The following C6 variants were observed in gnomAD, a reference collection of about 807,000 sequenced individuals.
C6 encodes complement C6.
A neutral mutation model predicts 112.9 loss-of-function variants in C6; 101 were observed. That is an observed-to-expected ratio of 0.89 (90% confidence interval 0.76 to 1.06). C6 has a LOEUF of 1.06. C6 is among the 50% of genes least tolerant of loss of function. The probability of loss-of-function intolerance (pLI) is 0.00; values close to 1 mark genes in which losing one functional copy is unlikely to be tolerated. For missense variants in C6, 1,202 were observed against 1,104.6 expected (o/e 1.09, Z -1.25); for synonymous variants, 431 against 384.1 (o/e 1.12, Z -1.43).
intron 1 of C6, among the ~76,000 whole-genome samples, chr5:41,241,497 A>G (rs916368983): frequency 7.9e-5 from 12 of 152,198 alleles, no homozygotes; most frequent in African/African-American, 2.9e-4. Context: ...GACATAGACT[A>G]AAGACTTTAC....
At chr5:41,218,188 G>T (rs1035814895), upstream of C6, among the ~76,000 whole-genome samples, 7 of 152,126 alleles carry the variant, frequency 4.6e-5, no homozygotes, top group African/African-American at 7.2e-5. Context: ...GAAAAAGAAC[G>T]TCAAGAAGTA....
chr5:41,214,062 T>A (rs1752097957), upstream of C6, among the ~76,000 whole-genome samples: 1 of 152,142 alleles, frequency 6.6e-6, no homozygotes, highest in African/African-American at 2.4e-5. Flanking sequence ...ATGGTTGCAA[T>A]TTAACTTTAG....
intron 5 of C6, 151 bp from the exon 6 acceptor site, chr5:41,186,359 A>T (rs1749771122): frequency 1.3e-6 from 1 of 780,592 alleles, no homozygotes; most frequent in Admixed American, 2.2e-5. Flanking sequence ...TTTTTTTCCT[A>T]GTCCATGGTG....
At chr5:41,232,795 A>G (rs1244255112) in intron 1 of C6, among the ~76,000 whole-genome samples, 1 of 151,920 alleles carries the variant, frequency 6.6e-6, no homozygotes, top group Non-Finnish European at 1.5e-5. Context: ...TGCTATTCAT[A>G]GCACCTTATT....
rs1448665675 is a variant in C6 at position 41,149,339 on chromosome 5, T to C, written c.2525A>G (p.Gln842Arg). The change falls in exon 17 of 18, where the codon CAG (glutamine) becomes CGG (arginine). Residue 842 changes from glutamine to arginine, a missense_variant. By Grantham distance (43) the Gln-to-Arg change is conservative (BLOSUM62 1). Transcript: ENST00000337836. ...LHIGSCQDGR[Q>R]LEWGLERTRL... ...TGTCCTTTCAAGACCCCATTCTAAC[T>C]GGCGGCCGTCTTGGCAGGAACCAAT... The C allele has an allele frequency of 1.9e-6, 3 of 1,614,010 alleles. No homozygotes were observed. In the African/African-American group the frequency reaches 4.0e-5, roughly 22 times the overall value.
At chr5:41,189,339 G>A (rs762127406) in intron 5 of C6, among the ~76,000 whole-genome samples, 65 of 152,088 alleles carry the variant, frequency 4.3e-4, no homozygotes, top group Non-Finnish European at 8.2e-4. Flanking sequence ...GTTCATAGCA[G>A]CATTACTCAT....
intron 1 of C6, among the ~76,000 whole-genome samples, chr5:41,229,852 T>C (rs1289449864): frequency 6.6e-6 from 1 of 152,166 alleles, no homozygotes; most frequent in East Asian, 1.9e-4. Context: ...ATTTTGGTGC[T>C]CAATGTTCTT....
Position 41,161,681 on chromosome 5 carries a change from T to C in C6, c.1458+12A>G. 6.2e-7 allele frequency: 1 copy of C among 1,611,300 alleles called. No individual in the cohort carries two copies. The highest frequency in any genetic ancestry group is 8.5e-7 in the Non-Finnish European group (1 of 1,177,652). On this transcript the variant is annotated intron_variant, in intron 10 of 17. Transcript: ENST00000337836. ...CTTTAGATCTCTTACCTGGAATAAT[T>C]TTTACTCTTACCTCAAAGTCAATCA...
intron 1 of C6, among the ~76,000 whole-genome samples, chr5:41,205,588 C>G (rs1033215724): frequency 6.6e-6 from 1 of 152,214 alleles, no homozygotes; most frequent in Admixed American, 6.5e-5. Context: ...GCACCTGGCT[C>G]GGAGAGTCCC....
At chr5:41,169,767 G>A (rs1748276296) in intron 9 of C6, among the ~76,000 whole-genome samples, 1 of 152,058 alleles carries the variant, frequency 6.6e-6, no homozygotes, top group Non-Finnish European at 1.5e-5. Context: ...GAGAACAGCA[G>A]GGAGGAATTC....
intron 1 of C6, among the ~76,000 whole-genome samples, chr5:41,253,895 G>C (rs1039252726): frequency 1.3e-5 from 2 of 152,134 alleles, no homozygotes; most frequent in Non-Finnish European, 2.9e-5. Flanking sequence ...AAAATATTTT[G>C]ATAATTATGC....
chr5:41,186,367 G>A (rs938916007), intron 5 of C6, 159 bp from the exon 6 acceptor site: 4 of 729,482 alleles, frequency 5.5e-6, no homozygotes, highest in Non-Finnish European at 4.5e-6. Context: ...CTAGTCCATG[G>A]TGAGGCATGC....
intron 5 of C6, among the ~76,000 whole-genome samples, chr5:41,189,037 TATTAGTC>T (rs1749997797): frequency 1.3e-5 from 2 of 152,046 alleles, no homozygotes; most frequent in Non-Finnish European, 2.9e-5. Flanking sequence ...TGCTCAAAGT[TATTAGTC>T]ATTAGGAAAT....
chr5:41,208,088 A>G (rs1332360146), intron 1 of C6, among the ~76,000 whole-genome samples: 2 of 152,242 alleles, frequency 1.3e-5, no homozygotes, highest in African/African-American at 2.4e-5. Context: ...GCTCAACTAC[A>G]TGGAAACTGA....
chr5:41,231,657 C>T (rs2150413879), intron 1 of C6, among the ~76,000 whole-genome samples: 1 of 151,932 alleles, frequency 6.6e-6, no homozygotes, highest in East Asian at 1.9e-4. Flanking sequence ...TAAAATTCTC[C>T]ATTTTGACAT....
chr5:41,260,635 A>G (rs571130027), intron 1 of C6, among the ~76,000 whole-genome samples: 16 of 151,974 alleles, frequency 1.1e-4, no homozygotes, highest in Non-Finnish European at 1.3e-4. Context: ...TTAGGTGGGC[A>G]TGGTGGCTCA....
intron 5 of C6, among the ~76,000 whole-genome samples, chr5:41,190,209 A>G (rs1750090370): frequency 6.6e-6 from 1 of 152,216 alleles, no homozygotes. Context: ...TAAGAGCTAC[A>G]TTAGTTTACA....
intron 6 of C6, among the ~76,000 whole-genome samples, chr5:41,183,481 A>G (rs1291557825): frequency 6.6e-6 from 1 of 152,178 alleles, no homozygotes. Context: ...CAAAAAAACA[A>G]CAGATGTTGG....
intron 1 of C6, among the ~76,000 whole-genome samples, chr5:41,224,683 G>C (rs1739380408): frequency 6.6e-6 from 1 of 151,716 alleles, no homozygotes; most frequent in Non-Finnish European, 1.5e-5. Context: ...CCTCTGTTTG[G>C]CTATTATGAA....
Sources: allele counts gnomAD v4.1 joint callset (sites outside exome capture counted in the v4.1 genomes callset), GRCh38; gene constraint gnomAD v4.1.1; transcripts MANE v1.5; gene names NCBI Gene and HGNC (gene_info 2026-07-23, HGNC 2026-07-21).